The following ZNF48 variants were observed in gnomAD, a reference collection of about 807,000 sequenced individuals.
ZNF48 encodes the protein zinc finger protein 48.
A neutral mutation model predicts 40.0 loss-of-function variants in ZNF48; 20 were observed. The ratio of observed to expected loss-of-function variants is 0.50; its 90% CI spans 0.35 to 0.73. The LOEUF (loss-of-function observed/expected upper bound fraction) is 0.73, where lower values mean the gene tolerates loss of function less well. Among genes scored for constraint, ZNF48 ranks in the 30% least tolerant of loss-of-function variants. The pLI, the probability that ZNF48 is intolerant of heterozygous loss-of-function variation, is 0.01. For missense variants in ZNF48, 726 were observed against 851.9 expected (o/e 0.85, Z 1.84); for synonymous variants, 298 against 329.7 (o/e 0.90, Z 1.04).
chr16:30,395,717 G>A lies in ZNF48; in HGVS notation c.-15-63G>A. The A allele has an allele frequency of 2.4e-6, 3 of 1,271,892 alleles. No individual in the cohort carries two copies. Among genetic ancestry groups the A allele is most frequent in the South Asian group, 2.3e-5 (1 of 43,374 alleles). The allele number at this position is 1,271,892 out of a possible 1,614,324, so 78.8% of individuals were successfully genotyped here. On this transcript the variant is annotated intron_variant, in intron 1 of 2. Coordinates refer to ENST00000613509, the MANE Select transcript of ZNF48 (RefSeq NM_001214909.2). This position sits in a 1 kb window ranked among gnomAD's most constrained non-coding sequence, Gnocchi z 5.9. ...CCGCGCTGGCCGGCAGAGGGCAGCG[G>A]CAGGGCGCCGCGGGCCACACATGGC...
At chr16:30,394,275 C>T (rs1699480992), upstream of ZNF48, among the ~76,000 whole-genome samples, 2 of 152,168 alleles carry the variant, frequency 1.3e-5, no homozygotes, top group African/African-American at 2.4e-5. Context: ...AACTTTTTAT[C>T]CCCAACTCTT....
rs774278862 is a variant in ZNF48, at chr16:30,397,868, C to T, written c.618C>T (p.Asp206=). 1.9e-6 allele frequency: 3 copies of T among 1,612,590 alleles called. No homozygotes were observed. Among genetic ancestry groups the T allele is most frequent in the East Asian group, 4.5e-5 (2 of 44,824 alleles). The change falls in exon 3 of 3, where the codon GAC becomes GAT. Residue 206 remains aspartate, a synonymous_variant. Transcript: ENST00000613509. The surrounding 1 kb of genome is among the most constrained non-coding windows in gnomAD (Gnocchi z 4.1). ...ECGKSFRQSS[D]LVKHQRTHTG... is the part of the protein sequence containing the mutation. ...GCAAGAGCTTCCGGCAGAGTTCTGACCTGGTGAAACACCAGCGGACACACA... is the reference window on the plus strand; with the variant it reads ...GCAAGAGCTTCCGGCAGAGTTCTGATCTGGTGAAACACCAGCGGACACACA...
intron 1 of ZNF48, among the ~76,000 whole-genome samples, chr16:30,383,854 C>A (rs922068350): frequency 5.9e-5 from 9 of 152,216 alleles, no homozygotes; most frequent in African/African-American, 2.2e-4. Flanking sequence ...TCAAGTGTTT[C>A]TTTCCAAGGG....
At position 30,381,029 on chromosome 16, in the gene ZNF48, A is replaced by G; in HGVS notation, c.-16+2619A>G. On this transcript the variant is annotated intron_variant, in intron 1 of 2. Coordinates refer to the ZNF48 transcript ENST00000528032. The surrounding 1 kb of genome is among the most constrained non-coding windows in gnomAD (Gnocchi z 4.3). ...CTTCTCCTACAATCTAGCCTGATGCACCATGCTCCAGAAAGGCCACTTCAA... is the reference window on the plus strand; with the variant it reads ...CTTCTCCTACAATCTAGCCTGATGCGCCATGCTCCAGAAAGGCCACTTCAA... The G allele has an allele frequency of 1.0e-6, 1 of 966,946 alleles. No individual in the cohort carries two copies. The highest frequency in any genetic ancestry group is 1.7e-6 in the Non-Finnish European group (1 of 596,910). The allele number at this position is 966,946 out of a possible 1,614,324, so 59.9% of individuals were successfully genotyped here.
At position 30,398,302 on chromosome 16, in the gene ZNF48, G is replaced by A. The variant is rs770357279; in HGVS notation, c.1052G>A (p.Arg351His). The A allele has an allele frequency of 3.7e-6, 6 of 1,613,382 alleles. No homozygotes were observed. Among genetic ancestry groups the A allele is most frequent in the African/African-American group, 2.7e-5 (2 of 74,910 alleles). ...ADSSARVKHL[R>H]THSGERPHAC... is the part of the protein sequence containing the mutation. ...AGCTCCGCCCGAGTCAAACACCTCCGCACCCACAGTGGCGAGAGGCCCCAT... is the reference window on the plus strand; with the variant it reads ...AGCTCCGCCCGAGTCAAACACCTCCACACCCACAGTGGCGAGAGGCCCCAT... Residue 351 changes from arginine (R) to histidine (H), a missense_variant, in exon 3 of 3, where the codon CGC becomes CAC. Around this residue, in one of 5 missense-constraint regions of ZNF48, gnomAD observed 378 missense variants for 449.1 expected, o/e 0.84. Coordinates refer to ENST00000613509, the MANE Select transcript of ZNF48 (RefSeq NM_001214909.2). The surrounding 1 kb of genome is among the most constrained non-coding windows in gnomAD (Gnocchi z 6.6).
In ZNF48 at chr16:30,397,254, C is replaced by A; in HGVS notation, c.80-76C>A. On this transcript the variant is annotated intron_variant, in intron 2 of 2. Coordinates refer to ENST00000613509, the MANE Select transcript of ZNF48 (RefSeq NM_001214909.2). The surrounding 1 kb of genome is among the most constrained non-coding windows in gnomAD (Gnocchi z 4.1). ...TGTGACCACAGATTGTCAAGGGAGT[C>A]TTCCTGGAGAGGTTGCTGTCAAAGA... 7.4e-7 allele frequency: 1 copy of A among 1,357,060 alleles called. No individual in the cohort carries two copies. The highest frequency in any genetic ancestry group is 1.0e-6 in the Non-Finnish European group (1 of 986,594). The allele number at this position is 1,357,060 out of a possible 1,614,324, so 84.1% of individuals were successfully genotyped here. A position where few individuals can be genotyped will look rare whatever the true frequency, so the allele number is the denominator to read the frequency against.
chr16:30,382,555 C>A lies in ZNF48; in HGVS notation c.-16+4145C>A. 1 of 1,588,932 alleles carries A rather than the reference C, an allele frequency of 6.3e-7. No homozygotes were observed. Among genetic ancestry groups the A allele is most frequent in the Non-Finnish European group, 8.6e-7 (1 of 1,167,572 alleles). On this transcript the variant is annotated intron_variant, in intron 1 of 2. Transcript: ENST00000528032. This position sits in a 1 kb window ranked among gnomAD's most constrained non-coding sequence, Gnocchi z 4.8. ...CTCCGCCAGCCATCACTGCACCTGCCGTCTCTCCCCACTTCCTCTGGTGGG... is the reference window on the plus strand; with the variant it reads ...CTCCGCCAGCCATCACTGCACCTGCAGTCTCTCCCCACTTCCTCTGGTGGG...
upstream of ZNF48, chr16:30,395,273 G>A: frequency 2.2e-6 from 1 of 456,100 alleles, no homozygotes; most frequent in African/African-American, 2.0e-5. This position sits in a 1 kb window ranked among gnomAD's most constrained non-coding sequence, Gnocchi z 5.9. Flanking sequence ...AGTTCGGGCC[G>A]CCGGCCTCGG....
rs970500958 is a variant in ZNF48 at position 30,399,249 on chromosome 16, G to C, written c.*142G>C. ...AGAATAGATAGAAATAGGGATTGGA[G>C]ACAGTAACCTTGAAGCTCAGGAAAC... On this transcript the variant is annotated 3_prime_UTR_variant, in exon 3 of 3. Coordinates refer to ENST00000613509, the MANE Select transcript of ZNF48 (RefSeq NM_001214909.2). The C allele has an allele frequency of 2.3e-6, 2 of 860,056 alleles. No individual in the cohort carries two copies. The highest frequency in any genetic ancestry group is 3.4e-5 in the African/African-American group (2 of 58,684). The allele number at this position is 860,056 out of a possible 1,614,324, so 53.3% of individuals were successfully genotyped here.
In ZNF48 at chr16:30,395,598, G is replaced by T; in HGVS notation, c.-16+20G>T. 2 of 256,522 alleles carry T rather than the reference G, an allele frequency of 7.8e-6. No individual in the cohort carries two copies. Among genetic ancestry groups the T allele is most frequent in the South Asian group, 2.2e-4 (2 of 9,214 alleles). 15.9% of individuals were successfully genotyped at this position (256,522 alleles called of 1,614,324 possible). A position where few individuals can be genotyped will look rare whatever the true frequency, so the allele number is the denominator to read the frequency against. On this transcript the variant is annotated intron_variant, in intron 1 of 2. Transcript: ENST00000613509. This position sits in a 1 kb window ranked among gnomAD's most constrained non-coding sequence, Gnocchi z 5.9. ...GGCAAGGTGAGAGCGGCGGCTGCGC[G>T]CTGGGAGGAGCAGCAGGTGCAGGGG... is the stretch of plus-strand genomic sequence containing the variant.
chr16:30,387,866 C>T (rs997174332), intron 1 of ZNF48, among the ~76,000 whole-genome samples: 13 of 151,996 alleles, frequency 8.6e-5, no homozygotes, highest in East Asian at 1.9e-4. Flanking sequence ...CCTTCTCGTA[C>T]GCCTATATAT....
chr16:30,395,181 G>A (rs1158977407), upstream of ZNF48: 1 of 454,886 alleles, frequency 2.2e-6, no homozygotes. The surrounding 1 kb of genome is among the most constrained non-coding windows in gnomAD (Gnocchi z 5.9). Flanking sequence ...GCGGGTGGCT[G>A]GAGACACACA....
At position 30,399,009 on chromosome 16, in the gene ZNF48, A is replaced by G; in HGVS notation, c.1759A>G (p.Ile587Val). 2 of 1,614,024 alleles carry G rather than the reference A, an allele frequency of 1.2e-6. No individual in the cohort carries two copies. Among genetic ancestry groups the G allele is most frequent in the Non-Finnish European group, 1.7e-6 (2 of 1,180,002 alleles). The change falls in exon 3 of 3, where the codon ATC (isoleucine) becomes GTC (valine). Residue 587 changes from isoleucine to valine, a missense_variant. By Grantham distance (29) the Ile-to-Val change is conservative. Transcript: ENST00000613509. Reference sequence around the variant, plus strand: ...GGGTTTTGGTGACAGTTCTGCCCGCATCAAGCACCAGCGTGGGCACCTGGT... The same window carrying G: ...GGGTTTTGGTGACAGTTCTGCCCGCGTCAAGCACCAGCGTGGGCACCTGGT... ...GKGFGDSSAR[I>V]KHQRGHLVLT...
rs148697641 is a variant in ZNF48 at position 30,398,555 on chromosome 16, C to T, written c.1305C>T (p.Gly435=). The change falls in exon 3 of 3, where the codon GGC becomes GGT. Residue 435 remains glycine (G), a synonymous_variant. Coordinates refer to ENST00000613509, the MANE Select transcript of ZNF48 (RefSeq NM_001214909.2). This position sits in a 1 kb window ranked among gnomAD's most constrained non-coding sequence, Gnocchi z 6.6. ...GLPGLEPEPG[G]PQAGEPPPPL... ...CTGGCTTGGAGCCAGAGCCTGGGGG[C>T]CCACAGGCTGGGGAGCCACCCCCAC... The T allele has an allele frequency of 8.4e-5, 135 of 1,609,714 alleles. No individual in the cohort carries two copies. The highest frequency in any genetic ancestry group is 1.8e-4 in the Admixed American group (11 of 59,812).
At position 30,397,871 on chromosome 16, in the gene ZNF48, G is replaced by A. The variant is rs1283369348; in HGVS notation, c.621G>A (p.Leu207=). 28 of 1,613,970 alleles carry A rather than the reference G, an allele frequency of 1.7e-5. No individual in the cohort carries two copies. The highest frequency in any genetic ancestry group is 3.3e-4 in the Middle Eastern group (2 of 6,084). Residue 207 remains leucine (L), a synonymous_variant, in exon 3 of 3, where the codon CTG becomes CTA. Transcript: ENST00000613509. This position sits in a 1 kb window ranked among gnomAD's most constrained non-coding sequence, Gnocchi z 4.1. ...CGKSFRQSSD[L]VKHQRTHTGE... is the part of the protein sequence containing the mutation. Reference sequence around the variant, plus strand: ...AGAGCTTCCGGCAGAGTTCTGACCTGGTGAAACACCAGCGGACACACACTG... The same window carrying A: ...AGAGCTTCCGGCAGAGTTCTGACCTAGTGAAACACCAGCGGACACACACTG...
chr16:30,384,843 A>G (rs560989579), intron 1 of ZNF48, among the ~76,000 whole-genome samples: 1 of 151,236 alleles, frequency 6.6e-6, no homozygotes, highest in Non-Finnish European at 1.5e-5. Context: ...CTGCCACTGC[A>G]CTCCAGCCTG....
At chr16:30,378,965 C>T (rs2049797424) in intron 1 of ZNF48, 2 of 1,570,898 alleles carry the variant, frequency 1.3e-6, no homozygotes, top group African/African-American at 1.4e-5. Context: ...AGGGCGGGGT[C>T]ATGGGTGAGG....
rs1459673793 is a variant in ZNF48, at chr16:30,399,975, G to A, written c.*868G>A. 6.6e-6 allele frequency: 1 copy of A among 152,298 alleles called. No homozygotes were observed. Among genetic ancestry groups the A allele is most frequent in the Non-Finnish European group, 1.5e-5 (1 of 68,098 alleles). 9.4% of individuals were successfully genotyped at this position (152,298 alleles called of 1,614,324 possible). On this transcript the variant is annotated 3_prime_UTR_variant, in exon 3 of 3. Coordinates refer to ENST00000613509, the MANE Select transcript of ZNF48 (RefSeq NM_001214909.2). ...ACCAATAAACGGCTTCTCTTCTGAG[G>A]CTTGGACAGTGTGTGTGTACACACA... is the stretch of plus-strand genomic sequence containing the variant.
At chr16:30,380,080 C>T in intron 1 of ZNF48, 1 of 1,502,246 alleles carries the variant, frequency 6.7e-7, no homozygotes, top group Non-Finnish European at 9.1e-7. Flanking sequence ...GCCACAATGA[C>T]AGACATTTCA....
Sources: allele counts gnomAD v4.1 joint callset (sites outside exome capture counted in the v4.1 genomes callset), GRCh38; gene constraint gnomAD v4.1.1; regional missense constraint gnomAD v4.1.1; non-coding constraint Gnocchi (gnomAD v3.1); transcripts MANE v1.5; gene names NCBI Gene and HGNC (gene_info 2026-07-23, HGNC 2026-07-21).